Variants in ENOX2 observed in about 807,000 individuals in gnomAD.
ENOX2 encodes the protein ecto-NOX disulfide-thiol exchanger 2.
Under a neutral mutation model 45.0 loss-of-function variants are expected in ENOX2, and 36 were observed. The ratio of observed to expected loss-of-function variants is 0.80; its 90% CI spans 0.61 to 1.06. The LOEUF is 1.06. Among genes scored for constraint, ENOX2 ranks in the 50% least tolerant of loss-of-function variants. ENOX2 has a pLI of 0.00. For synonymous variants in ENOX2, 174 were observed against 152.3 expected (o/e 1.14, Z -1.05); for missense variants, 423 against 462.5 (o/e 0.91, Z 0.78).
intron 3 of ENOX2, among the ~76,000 whole-genome samples, chrX:130,709,770 A>C (rs1275999215): frequency 9.1e-6 from 1 of 110,053 alleles, no homozygotes; most frequent in African/African-American, 3.3e-5. Flanking sequence ...GATGAATAAT[A>C]GTTTTTTTTT....
At chrX:130,818,023 G>A (rs764732421) in intron 2 of ENOX2, among the ~76,000 whole-genome samples, 8 of 111,888 alleles carry the variant, frequency 7.2e-5, no homozygotes, top group East Asian at 2.8e-4. Context: ...AAACCCCATC[G>A]TCTCAGCCCA....
In ENOX2 at chrX:130,725,722, A is replaced by G. The variant is rs774129650; in HGVS notation, c.-38-22468T>C. Among the ~76,000 whole-genome samples the G allele has an allele frequency of 2.7e-5, 3 of 111,124 alleles. No homozygotes were observed. The South Asian group carries it at 1.2e-3, about 43-fold the overall frequency. ...GTTAAGTTTTGTTTGCAGGATTACTAGTGAAATTTCTCAGGAAGCTGGATA... is the reference window on the plus strand; with the variant it reads ...GTTAAGTTTTGTTTGCAGGATTACTGGTGAAATTTCTCAGGAAGCTGGATA... On this transcript the variant is annotated intron_variant, in intron 3 of 14. Coordinates refer to ENST00000394363, the MANE Select transcript of ENOX2 (RefSeq NM_006375.4).
At chrX:130,844,265 T>A (rs1001328585) in intron 2 of ENOX2, among the ~76,000 whole-genome samples, 2 of 111,590 alleles carry the variant, frequency 1.8e-5, no homozygotes, top group African/African-American at 6.5e-5. Flanking sequence ...CCTCACTTAG[T>A]CCCTCCACCC....
chrX:130,784,144 G>A (rs2076932630), intron 2 of ENOX2, among the ~76,000 whole-genome samples: 2 of 111,441 alleles, frequency 1.8e-5, no homozygotes, highest in African/African-American at 3.3e-5. Context: ...TAATATAGGG[G>A]TCTCTAAAAT....
intron 4 of ENOX2, among the ~76,000 whole-genome samples, chrX:130,702,433 C>A (rs2037922059): frequency 9.0e-6 from 1 of 111,404 alleles, no homozygotes; most frequent in South Asian, 3.8e-4. Context: ...AATGTTTAGG[C>A]TGTTTAAAAA....
At chrX:130,830,591 G>T (rs964715562) in intron 2 of ENOX2, among the ~76,000 whole-genome samples, 6 of 112,168 alleles carry the variant, frequency 5.3e-5, no homozygotes, top group African/African-American at 1.9e-4. Context: ...GACTGCAGAT[G>T]TTCCTCTTTC....
At chrX:130,778,924 C>A (rs2039916076) in intron 3 of ENOX2, among the ~76,000 whole-genome samples, 2 of 112,664 alleles carry the variant, frequency 1.8e-5, no homozygotes, top group African/African-American at 6.4e-5. Flanking sequence ...TTCCAGAGAG[C>A]TGACACCTTC....
At chrX:130,639,242 A>G (rs2036017377) in intron 10 of ENOX2, among the ~76,000 whole-genome samples, 1 of 111,915 alleles carries the variant, frequency 8.9e-6, no homozygotes, top group Non-Finnish European at 1.9e-5. Flanking sequence ...GGGGTTTTAG[A>G]AGAACCTAAC....
chrX:130,762,435 A>G (rs2039514679), intron 3 of ENOX2, among the ~76,000 whole-genome samples: 1 of 111,857 alleles, frequency 8.9e-6, no homozygotes, highest in Non-Finnish European at 1.9e-5. Context: ...TTTAAAAATT[A>G]GCTGAGTATG....
chrX:130,774,819 T>C lies in ENOX2; in HGVS notation c.-39+8728A>G, dbSNP rs186471901. Among the ~76,000 whole-genome samples the C allele has an allele frequency of 4.4e-3, 494 of 112,496 alleles. 7 individuals carry two copies. Among genetic ancestry groups the C allele is most frequent in the African/African-American group, 0.015 (460 of 30,994 alleles). ...AGAAGTAAAATATAAATGTAACACA[T>C]GTGTACTAGAACAACCCTATTTACC... On this transcript the variant is annotated intron_variant, in intron 3 of 14. Transcript: ENST00000394363.
chrX:130,625,398 G>A lies in ENOX2; in HGVS notation c.1662C>T (p.Thr554=). 10 of 1,209,412 alleles carry A rather than the reference G, an allele frequency of 8.3e-6. No individual in the cohort carries two copies. Among genetic ancestry groups the A allele is most frequent in the Non-Finnish European group, 1.1e-5 (10 of 893,512 alleles). The change falls in exon 15 of 15, where the codon ACC becomes ACT. Residue 554 remains threonine (T), a synonymous_variant. Coordinates refer to ENST00000394363, the MANE Select transcript of ENOX2 (RefSeq NM_006375.4). Reference sequence around the variant, plus strand: ...CAACTCCAGTCATTTCCTGCTTGAAGGTATGCTGGAGTCTACCCATGAGAC... The same window carrying A: ...CAACTCCAGTCATTTCCTGCTTGAAAGTATGCTGGAGTCTACCCATGAGAC... ...VECLMGRLQH[T]FKQEMTGVGA...
chrX:130,677,884 C>T (rs745359652), intron 6 of ENOX2, among the ~76,000 whole-genome samples: 76 of 110,607 alleles, frequency 6.9e-4, no homozygotes, highest in Non-Finnish European at 1.7e-4. Flanking sequence ...GTCAGGAGTT[C>T]GAGACCAGCC....
At chrX:130,627,590 A>C (rs922058031) in intron 14 of ENOX2, among the ~76,000 whole-genome samples, 1 of 111,572 alleles carries the variant, frequency 9.0e-6, no homozygotes, top group African/African-American at 3.3e-5. Flanking sequence ...CAAAAAAAAA[A>C]GTTTGGTGGG....
chrX:130,686,238 A>C (rs2037445516), intron 5 of ENOX2, among the ~76,000 whole-genome samples: 1 of 110,926 alleles, frequency 9.0e-6, no homozygotes, highest in Non-Finnish European at 1.9e-5. Context: ...TGATTGGATC[A>C]GGGGGTGGAT....
In ENOX2 at chrX:130,675,343, T is replaced by C. The variant is rs2037118206; in HGVS notation, c.460+4199A>G. On this transcript the variant is annotated intron_variant, in intron 6 of 14. Transcript: ENST00000394363. ...TGTGAGATGGTATCTCATTGTGGTT[T>C]TGATTTAAATATCTCAAAAGCATCC... Among the ~76,000 whole-genome samples the C allele has an allele frequency of 2.7e-5, 3 of 112,219 alleles. No homozygotes were observed. In the South Asian group the frequency reaches 1.1e-3, roughly 42 times the overall value.
intron 3 of ENOX2, among the ~76,000 whole-genome samples, chrX:130,736,193 G>A (rs2038856551): frequency 9.0e-6 from 1 of 110,658 alleles, no homozygotes; most frequent in Non-Finnish European, 1.9e-5. Context: ...GTGAAACACC[G>A]TCTCTACTAA....
chrX:130,791,140 A>G (rs1161042347), intron 2 of ENOX2, among the ~76,000 whole-genome samples: 2 of 111,174 alleles, frequency 1.8e-5, no homozygotes, highest in Non-Finnish European at 3.8e-5. Context: ...TTTTTTTATT[A>G]TAAAATACTA....
At chrX:130,786,401 TTTA>T (rs961494109) in intron 2 of ENOX2, among the ~76,000 whole-genome samples, 5 of 110,287 alleles carry the variant, frequency 4.5e-5, no homozygotes, top group African/African-American at 6.6e-5. Context: ...TTTTTTTTCT[TTTA>T]TTATTATTAT....
intron 3 of ENOX2, among the ~76,000 whole-genome samples, chrX:130,733,444 C>T (rs2038786404): frequency 9.1e-6 from 1 of 110,164 alleles, no homozygotes. Context: ...TACCAAATGA[C>T]CCCACAATTA....
Sources: gnomAD v4.1 joint callset for allele counts (sites outside exome capture counted in the v4.1 genomes callset) on GRCh38, gnomAD v4.1.1 for gene constraint, MANE v1.5 for transcripts, NCBI Gene and HGNC (gene_info 2026-07-23, HGNC 2026-07-21) for gene names.